The following PCSK2 variants were observed in gnomAD, a reference collection of about 807,000 sequenced individuals.
The protein encoded by PCSK2 is proprotein convertase subtilisin/kexin type 2, also known as neuroendocrine convertase 2.
A neutral mutation model predicts 69.7 loss-of-function variants in PCSK2; 14 were observed. That is an observed-to-expected ratio of 0.20 (90% CI 0.13 to 0.31). The LOEUF (loss-of-function observed/expected upper bound fraction) is 0.31. PCSK2 is among the 10% of genes least tolerant of loss of function. The pLI is 1.00. For missense variants in PCSK2, 544 were observed against 842.5 expected (o/e 0.65, Z 4.39); for synonymous variants, 307 against 320.7 (o/e 0.96, Z 0.46).
chr20:17,375,612 C>T (rs1168769838), intron 5 of PCSK2, among the ~76,000 whole-genome samples: 5 of 152,142 alleles, frequency 3.3e-5, no homozygotes, highest in East Asian at 1.9e-4. Context: ...AGGTTTTCTC[C>T]GAGCCAGGGA....
chr20:17,274,643 A>G (rs1987990198), intron 2 of PCSK2, among the ~76,000 whole-genome samples: 1 of 152,166 alleles, frequency 6.6e-6, no homozygotes, highest in African/African-American at 2.4e-5. Context: ...TGAAGAAGCC[A>G]TCTCAGAAGT....
chr20:17,449,916 ATCT>A (rs1285194673), intron 8 of PCSK2, among the ~76,000 whole-genome samples: 1 of 150,214 alleles, frequency 6.7e-6, no homozygotes, highest in African/African-American at 2.5e-5. Flanking sequence ...ATGGGATCAA[ATCT>A]TCATCTTCGT....
At position 17,475,860 on chromosome 20, in the gene PCSK2, T is replaced by C. The variant is rs374936153; in HGVS notation, c.1431-5724T>C. On this transcript the variant is annotated intron_variant, in intron 11 of 11. Transcript: ENST00000262545. The stretch of plus-strand genomic sequence containing the variant: ...CAGTCTTTGGTTGTTGGCTTGTGAA[T>C]TTCCTTCTTGAAACTTTTCAAGAAG... Among the ~76,000 whole-genome samples, 37 of 152,352 alleles carry C rather than the reference T, an allele frequency of 2.4e-4. No individual in the cohort carries two copies. In the South Asian group the frequency reaches 7.3e-3, roughly 30 times the overall value.
At position 17,328,636 on chromosome 20, in the gene PCSK2, A is replaced by G. The variant is rs568648493; in HGVS notation, c.283-29691A>G. 8.5e-5 allele frequency among the ~76,000 whole-genome samples: 13 copies of G among 152,258 alleles called. No individual in the cohort carries two copies. In the South Asian group the frequency reaches 2.7e-3, roughly 32 times the overall value. ...GGGTGCTATGTATGGTAAACGGAAG[A>G]GGAGAGGAGGACACAAGTTCAAAGT... On this transcript the variant is annotated intron_variant, in intron 2 of 11. Coordinates refer to ENST00000262545, the MANE Select transcript of PCSK2 (RefSeq NM_002594.5).
chr20:17,277,309 C>T (rs1988121356), intron 2 of PCSK2, among the ~76,000 whole-genome samples: 2 of 152,158 alleles, frequency 1.3e-5, no homozygotes, highest in East Asian at 1.9e-4. Flanking sequence ...CGCTACCTGA[C>T]TTCAAACTAT....
At chr20:17,363,893 A>G (rs1270447595) in intron 4 of PCSK2, among the ~76,000 whole-genome samples, 1 of 152,220 alleles carries the variant, frequency 6.6e-6, no homozygotes, top group Non-Finnish European at 1.5e-5. Context: ...AGGTTTAGGG[A>G]GGCAAGAAAC....
intron 5 of PCSK2, among the ~76,000 whole-genome samples, chr20:17,396,398 C>T (rs56131251): frequency 0.01 from 1,582 of 152,272 alleles, 28 homozygotes; most frequent in African/African-American, 0.036. Flanking sequence ...TCCTGAGTCC[C>T]GGAGGGCATC....
intron 2 of PCSK2, among the ~76,000 whole-genome samples, chr20:17,351,695 C>T (rs1285022964): frequency 6.6e-6 from 1 of 151,954 alleles, no homozygotes; most frequent in Non-Finnish European, 1.5e-5. Flanking sequence ...AGAAACATAC[C>T]TCAAAATAAT....
intron 2 of PCSK2, among the ~76,000 whole-genome samples, chr20:17,293,263 A>G (rs1283514295): frequency 6.6e-6 from 1 of 152,058 alleles, no homozygotes; most frequent in Non-Finnish European, 1.5e-5. Context: ...CTAAGAAGAA[A>G]CTCTCATAAA....
intron 5 of PCSK2, among the ~76,000 whole-genome samples, chr20:17,402,796 A>T (rs2031670193): frequency 6.6e-6 from 1 of 152,114 alleles, no homozygotes; most frequent in African/African-American, 2.4e-5. Context: ...TACTAAAAGT[A>T]CAAAAACAAA....
chr20:17,359,273 A>G (rs1371341638), intron 3 of PCSK2, among the ~76,000 whole-genome samples: 1 of 152,182 alleles, frequency 6.6e-6, no homozygotes, highest in Non-Finnish European at 1.5e-5. Context: ...ACTCTGACTT[A>G]TGCTTTTTGG....
chr20:17,349,430 C>A (rs1439501780), intron 2 of PCSK2, among the ~76,000 whole-genome samples: 1 of 152,206 alleles, frequency 6.6e-6, no homozygotes, highest in East Asian at 1.9e-4. Context: ...CTGCCTCTAA[C>A]ACCTTGTGAG....
At chr20:17,264,926 C>G (rs901664365) in intron 2 of PCSK2, among the ~76,000 whole-genome samples, 1 of 151,900 alleles carries the variant, frequency 6.6e-6, no homozygotes, top group Non-Finnish European at 1.5e-5. Flanking sequence ...TGCAGTGGCA[C>G]GATCTCAGCT....
chr20:17,361,644 G>T (rs2030400393), intron 4 of PCSK2, among the ~76,000 whole-genome samples: 1 of 152,186 alleles, frequency 6.6e-6, no homozygotes, highest in South Asian at 2.1e-4. Context: ...AGGCTTTGAA[G>T]CAGAAATGAC....
intron 1 of PCSK2, among the ~76,000 whole-genome samples, chr20:17,246,917 T>A (rs938651965): frequency 7.2e-5 from 11 of 152,330 alleles, no homozygotes; most frequent in African/African-American, 2.6e-4. Context: ...ACTCTGGAAG[T>A]TGTTCTTCTC....
rs746091501 is a variant in PCSK2, at chr20:17,483,737, A to G, written c.*1667A>G. On this transcript the variant is annotated 3_prime_UTR_variant, in exon 12 of 12. Transcript: ENST00000262545. The stretch of plus-strand genomic sequence containing the variant: ...ATATCATGCTTTAAAGTGTAATAAT[A>G]TGATTTTTTAAAAGAAATTTATTAC... 6.6e-6 allele frequency: 1 copy of G among 152,612 alleles called. No homozygotes were observed. The highest frequency in any genetic ancestry group is 1.5e-5 in the Non-Finnish European group (1 of 68,044). The allele number at this position is 152,612 out of a possible 1,614,324, so 9.5% of individuals were successfully genotyped here.
At chr20:17,364,372 T>G (rs2030514836) in intron 4 of PCSK2, among the ~76,000 whole-genome samples, 1 of 152,224 alleles carries the variant, frequency 6.6e-6, no homozygotes, top group African/African-American at 2.4e-5. Flanking sequence ...TTAGTCCATC[T>G]TCACATTGCT....
At chr20:17,425,818 G>A (rs2032237190) in intron 6 of PCSK2, among the ~76,000 whole-genome samples, 1 of 152,106 alleles carries the variant, frequency 6.6e-6, no homozygotes, top group African/African-American at 2.4e-5. Flanking sequence ...TACTTGAGGG[G>A]AAAGAGAGTG....
In PCSK2 at chr20:17,355,674, C is replaced by CAG. The variant is rs1164008751; in HGVS notation, c.283-2644_283-2643dup. On this transcript the variant is annotated intron_variant, in intron 2 of 11. Coordinates refer to ENST00000262545, the MANE Select transcript of PCSK2 (RefSeq NM_002594.5). ...AAACACACACACACACACACACACA[C>CAG]AGAGAGAGAGCTATGGGAATATGCT... 6.4e-3 allele frequency among the ~76,000 whole-genome samples: 964 copies of CAG among 151,460 alleles called. 9 individuals are homozygous for CAG. The highest frequency in any genetic ancestry group is 0.021 in the African/African-American group (881 of 41,350).
Sources: allele counts gnomAD v4.1 joint callset (sites outside exome capture counted in the v4.1 genomes callset), GRCh38; gene constraint gnomAD v4.1.1; transcripts MANE v1.5; gene names NCBI Gene and HGNC (gene_info 2026-07-23, HGNC 2026-07-21).